DCC: variants seen among roughly 807,000 people sequenced by gnomAD.
DCC encodes netrin receptor DCC.
DCC carries 58 observed loss-of-function variants against 172.5 expected under a neutral mutation model. That is an observed-to-expected ratio of 0.34 (90% CI 0.27 to 0.42). DCC has a LOEUF of 0.42. DCC is among the 10% of genes least tolerant of loss of function. The pLI is 1.00. For missense variants in DCC, 1,740 were observed against 1,791.0 expected (o/e 0.97, Z 0.51); for synonymous variants, 709 against 644.5 (o/e 1.10, Z -1.52).
At chr18:52,641,459 A>T (rs1240766021) in intron 1 of DCC, among the ~76,000 whole-genome samples, 1 of 152,234 alleles carries the variant, frequency 6.6e-6, no homozygotes, top group Non-Finnish European at 1.5e-5. Context: ...TTCACTATCT[A>T]TACATCTGAC....
chr18:52,824,508 G>A (rs1054017896), intron 2 of DCC, among the ~76,000 whole-genome samples: 2 of 151,962 alleles, frequency 1.3e-5, no homozygotes, highest in Non-Finnish European at 2.9e-5. Flanking sequence ...AGTATCTTTT[G>A]TGTAATTATA....
At chr18:53,435,308 G>C in intron 22 of DCC, 99 bp downstream of exon 22, 1 of 791,450 alleles carries the variant, frequency 1.3e-6, no homozygotes, top group Non-Finnish European at 2.2e-6. Flanking sequence ...CAAGTGCCAG[G>C]AACCTTGGAT....
chr18:53,196,704 A>G (rs893143485), intron 9 of DCC, among the ~76,000 whole-genome samples: 1 of 152,226 alleles, frequency 6.6e-6, no homozygotes, highest in Non-Finnish European at 1.5e-5. Context: ...GTGTTTATCC[A>G]TATCTGCATC....
intron 12 of DCC, among the ~76,000 whole-genome samples, chr18:53,234,312 C>G (rs956572677): frequency 6.6e-6 from 1 of 152,052 alleles, no homozygotes; most frequent in Admixed American, 6.6e-5. Context: ...ACCTGTAGTT[C>G]CAGCTACTCG....
At chr18:53,074,684 CCT>C (rs1268145168) in intron 7 of DCC, among the ~76,000 whole-genome samples, 13 of 152,040 alleles carry the variant, frequency 8.6e-5, no homozygotes, top group Admixed American at 2.0e-4. Context: ...TAACATTTTC[CCT>C]GAGTGATTCA....
chr18:52,606,396 C>T (rs2034131890), intron 1 of DCC, among the ~76,000 whole-genome samples: 3 of 152,024 alleles, frequency 2.0e-5, no homozygotes, highest in Admixed American at 1.3e-4. Flanking sequence ...AGACCTTATC[C>T]AGTGCCTAGT....
At chr18:53,284,932 C>T (rs562810060) in intron 12 of DCC, among the ~76,000 whole-genome samples, 1 of 152,238 alleles carries the variant, frequency 6.6e-6, no homozygotes, top group South Asian at 2.1e-4. Flanking sequence ...CATTTTGCCC[C>T]TTCCCTAGAG....
chr18:53,038,518 T>A (rs142837736), intron 5 of DCC, among the ~76,000 whole-genome samples: 29 of 152,084 alleles, frequency 1.9e-4, no homozygotes, highest in African/African-American at 6.7e-4. Context: ...CTAACACCTA[T>A]ACACTATCAT....
intron 1 of DCC, among the ~76,000 whole-genome samples, chr18:52,533,896 C>T (rs75545776): frequency 6.6e-6 from 1 of 152,076 alleles, no homozygotes; most frequent in African/African-American, 2.4e-5. Flanking sequence ...TTCACCCTCA[C>T]CAAGATTTCA....
intron 12 of DCC, among the ~76,000 whole-genome samples, chr18:53,287,236 T>C (rs2056946576): frequency 1.3e-5 from 2 of 152,208 alleles, no homozygotes; most frequent in African/African-American, 4.8e-5. Context: ...AATTATACAC[T>C]ATGTGGTCTT....
intron 5 of DCC, among the ~76,000 whole-genome samples, chr18:52,963,921 T>A (rs941948510): frequency 2.0e-5 from 3 of 152,126 alleles, no homozygotes; most frequent in Non-Finnish European, 4.4e-5. Flanking sequence ...AAACATTTTA[T>A]TTAGTGCTTA....
chr18:52,794,449 T>C (rs893838626), intron 2 of DCC, among the ~76,000 whole-genome samples: 10 of 152,100 alleles, frequency 6.6e-5, no homozygotes, highest in Non-Finnish European at 1.0e-4. Flanking sequence ...TAAAATCTAG[T>C]TTGTTATTGG....
intron 7 of DCC, among the ~76,000 whole-genome samples, chr18:53,076,642 G>GC (rs11463289): frequency 0.16 from 24,686 of 152,062 alleles, 2,759 homozygotes; most frequent in East Asian, 0.36. Flanking sequence ...TACTTTGTGA[G>GC]TCTGAGATGG....
intron 12 of DCC, among the ~76,000 whole-genome samples, chr18:53,225,300 T>C (rs1055568706): frequency 6.6e-6 from 1 of 152,136 alleles, no homozygotes; most frequent in African/African-American, 2.4e-5. Context: ...GTGGTAGGCT[T>C]GAGGGAGGTG....
At chr18:52,391,582 G>C (rs1200507003) in intron 1 of DCC, among the ~76,000 whole-genome samples, 1 of 152,080 alleles carries the variant, frequency 6.6e-6, no homozygotes, top group African/African-American at 2.4e-5. Context: ...TTTGAGCATT[G>C]GTTGTCAGTG....
intron 5 of DCC, among the ~76,000 whole-genome samples, chr18:52,964,409 T>G (rs1252737946): frequency 6.6e-6 from 1 of 152,162 alleles, no homozygotes; most frequent in Non-Finnish European, 1.5e-5. Flanking sequence ...TAAGGCATTT[T>G]TATTAATTCA....
intron 7 of DCC, among the ~76,000 whole-genome samples, chr18:53,140,532 G>A (rs2043814781): frequency 6.6e-6 from 1 of 152,078 alleles, no homozygotes; most frequent in African/African-American, 2.4e-5. Context: ...TTAGTAGAAA[G>A]GATTCGGTAG....
In DCC at chr18:52,674,620, T is replaced by A. The variant is rs1004953418; in HGVS notation, c.92-77434T>A. ...AACATATGGAGTGAATACCAAAAAATGTGATTCTCTAAGAAGCCTTCATGT... is the reference window on the plus strand; with the variant it reads ...AACATATGGAGTGAATACCAAAAAAAGTGATTCTCTAAGAAGCCTTCATGT... On this transcript the variant is annotated intron_variant, in intron 1 of 28. Coordinates refer to ENST00000442544, the MANE Select transcript of DCC (RefSeq NM_005215.4). Among the ~76,000 whole-genome samples, 3 of 152,196 alleles carry A rather than the reference T, an allele frequency of 2.0e-5. 1 individual carries two copies. The highest frequency in any genetic ancestry group is 7.2e-5 in the African/African-American group (3 of 41,438).
At chr18:53,463,598 G>A (rs950359707) in intron 24 of DCC, among the ~76,000 whole-genome samples, 2 of 152,020 alleles carry the variant, frequency 1.3e-5, no homozygotes, top group Non-Finnish European at 2.9e-5. Flanking sequence ...ACATTATTTT[G>A]CCTAATCTTC....
Sources: gnomAD v4.1 joint callset for allele counts (sites outside exome capture counted in the v4.1 genomes callset) on GRCh38, gnomAD v4.1.1 for gene constraint, MANE v1.5 for transcripts, NCBI Gene and HGNC (gene_info 2026-07-23, HGNC 2026-07-21) for gene names.